Variants in NCKAP5 observed in about 807,000 individuals in gnomAD.
NCKAP5 encodes the protein nck-associated protein 5.
NCKAP5 carries 92 observed loss-of-function variants against 167.0 expected under a neutral mutation model. The ratio of observed to expected loss-of-function variants is 0.55; its 90% confidence interval spans 0.47 to 0.66. The LOEUF (loss-of-function observed/expected upper bound fraction) is 0.66. Among genes scored for constraint, NCKAP5 ranks in the 30% least tolerant of loss-of-function variants. NCKAP5 has a pLI of 0.00. For synonymous variants in NCKAP5, 891 were observed against 877.4 expected (o/e 1.02, Z -0.27); for missense variants, 2,378 against 2,315.0 (o/e 1.03, Z -0.56).
chr2:133,648,974 A>G, the NCKAP5 span, among the ~76,000 whole-genome samples: 1 of 151,950 alleles, frequency 6.6e-6, no homozygotes. Context: ...TTTTGAAAAG[A>G]TCAACAAAAT....
chr2:132,850,816 T>C (rs1236947042), intron 11 of NCKAP5, among the ~76,000 whole-genome samples: 2 of 151,980 alleles, frequency 1.3e-5, no homozygotes, highest in African/African-American at 4.8e-5. Context: ...TTCCTACTTC[T>C]GAGGTAGGAA....
chr2:133,582,494 G>T, the NCKAP5 span, among the ~76,000 whole-genome samples: 1 of 152,134 alleles, frequency 6.6e-6, no homozygotes, highest in African/African-American at 2.4e-5. Flanking sequence ...CTCCTCAAGG[G>T]TGTTACTATC....
At chr2:132,936,997 C>T (rs979037487) in intron 8 of NCKAP5, among the ~76,000 whole-genome samples, 4 of 152,122 alleles carry the variant, frequency 2.6e-5, no homozygotes, top group Non-Finnish European at 5.9e-5. Flanking sequence ...TGAGAATCAT[C>T]AAGGGAAGAG....
intron 6 of NCKAP5, among the ~76,000 whole-genome samples, chr2:133,085,508 G>A (rs1292484174): frequency 1.3e-5 from 2 of 152,132 alleles, no homozygotes; most frequent in African/African-American, 4.8e-5. Flanking sequence ...TCTGGGTAAT[G>A]GGATTGACTG....
chr2:132,700,938 G>T (rs1687822945), intron 19 of NCKAP5, among the ~76,000 whole-genome samples: 2 of 144,252 alleles, frequency 1.4e-5, no homozygotes, highest in Admixed American at 7.0e-5. Flanking sequence ...GGCGGGGGGG[G>T]GGGCTTTTAA....
intron 3 of NCKAP5, among the ~76,000 whole-genome samples, chr2:133,426,312 G>A (rs1405889896): frequency 6.6e-6 from 1 of 151,492 alleles, no homozygotes; most frequent in Non-Finnish European, 1.5e-5. Context: ...TACAACAATG[G>A]AGAACACCTC....
chr2:133,198,069 C>T lies in NCKAP5; in HGVS notation c.207+15647G>A, dbSNP rs1349993104. On this transcript the variant is annotated intron_variant, in intron 5 of 19. Coordinates refer to ENST00000409261, the MANE Select transcript of NCKAP5 (RefSeq NM_207363.3). ...TAGAGAAAGCAAAGTAAAATATTTA[C>T]TGGATTGAGAATACCAGAATGGAGA... Among the ~76,000 whole-genome samples the T allele has an allele frequency of 2.6e-5, 4 of 152,072 alleles. No homozygotes were observed. The East Asian group carries it at 7.7e-4, about 29-fold the overall frequency.
In NCKAP5 at chr2:132,894,418, C is replaced by T. The variant is rs564564523; in HGVS notation, c.580-15502G>A. On this transcript the variant is annotated intron_variant, in intron 8 of 19. Transcript: ENST00000409261. Reference sequence around the variant, plus strand: ...GCCATGGGAGATTTTTAGAAAAAAACCTATTGCCTTGCCATGTAATGACTT... The same window carrying T: ...GCCATGGGAGATTTTTAGAAAAAAATCTATTGCCTTGCCATGTAATGACTT... Among the ~76,000 whole-genome samples the T allele has an allele frequency of 2.5e-4, 38 of 152,300 alleles. No homozygotes were observed. The East Asian group carries it at 6.9e-3, about 28-fold the overall frequency.
rs377125276 is a variant in NCKAP5, at chr2:133,104,064, C to T, written c.341+25914G>A. Among the ~76,000 whole-genome samples, 76 of 152,054 alleles carry T rather than the reference C, an allele frequency of 5.0e-4. No homozygotes were observed. In the South Asian group the frequency reaches 5.4e-3, roughly 11 times the overall value. On this transcript the variant is annotated intron_variant, in intron 6 of 19. Transcript: ENST00000409261. ...TTTCCATATTTCTGGCCCAGAGCTG[C>T]CCCTCCCAAGTGGGGAGAAGGTTCT...
chr2:132,927,104 C>T (rs1183104705), intron 8 of NCKAP5, among the ~76,000 whole-genome samples: 1 of 152,126 alleles, frequency 6.6e-6, no homozygotes, highest in Non-Finnish European at 1.5e-5. Flanking sequence ...ATCCAATTTT[C>T]CCAGCACCAT....
At chr2:132,958,154 T>C (rs942203248) in intron 8 of NCKAP5, among the ~76,000 whole-genome samples, 2 of 152,148 alleles carry the variant, frequency 1.3e-5, no homozygotes, top group African/African-American at 4.8e-5. Context: ...CCCACAGGGT[T>C]ACGAACATGA....
intron 5 of NCKAP5, among the ~76,000 whole-genome samples, chr2:133,179,878 G>A (rs140001674): frequency 4.4e-4 from 67 of 152,128 alleles, no homozygotes; most frequent in African/African-American, 1.5e-3. Context: ...TCAGATTTAC[G>A]TCCTCAGAGT....
chr2:133,624,105 A>T, the NCKAP5 span, among the ~76,000 whole-genome samples: 2 of 152,050 alleles, frequency 1.3e-5, no homozygotes, highest in Middle Eastern at 3.4e-3. Flanking sequence ...CATAAGAATG[A>T]TACATCGGAT....
chr2:133,382,067 AC>A (rs1686563371), intron 3 of NCKAP5, among the ~76,000 whole-genome samples: 2 of 152,086 alleles, frequency 1.3e-5, no homozygotes, highest in Non-Finnish European at 2.9e-5. Context: ...AGAACAACAA[AC>A]CTACTCCTCC....
At chr2:133,590,472 C>T in the NCKAP5 span, among the ~76,000 whole-genome samples, 5 of 145,394 alleles carry the variant, frequency 3.4e-5, no homozygotes, top group South Asian at 2.2e-4. Flanking sequence ...TGCAGTGAGC[C>T]GAGATCGCGC....
Position 133,255,846 on chromosome 2 carries a change from T to C in NCKAP5, c.144-42067A>G, listed in dbSNP as rs77281968. ...TCAGAATGGGTATACAAAGCTTACA[T>C]TACAGAATTAAAAACAAGTGTTTAA... On this transcript the variant is annotated intron_variant, in intron 4 of 19. Coordinates refer to ENST00000409261, the MANE Select transcript of NCKAP5 (RefSeq NM_207363.3). 7.3e-3 allele frequency among the ~76,000 whole-genome samples: 1,114 copies of C among 152,266 alleles called. 8 individuals carry two copies. The highest frequency in any genetic ancestry group is 0.014 in the South Asian group (69 of 4,822).
At chr2:133,543,358 C>T (rs1204695727) in intron 2 of NCKAP5, among the ~76,000 whole-genome samples, 2 of 152,158 alleles carry the variant, frequency 1.3e-5, no homozygotes, top group Non-Finnish European at 2.9e-5. Context: ...CCCAATTAAA[C>T]TTCTTCTCTT....
At chr2:133,465,154 C>T (rs1692475046) in intron 3 of NCKAP5, among the ~76,000 whole-genome samples, 1 of 106,282 alleles carries the variant, frequency 9.4e-6, no homozygotes, top group South Asian at 4.6e-4. Flanking sequence ...GCTATCCCTC[C>T]CCCCTCCCCC....
chr2:133,642,166 T>C, the NCKAP5 span, among the ~76,000 whole-genome samples: 1 of 152,144 alleles, frequency 6.6e-6, no homozygotes, highest in Non-Finnish European at 1.5e-5. Flanking sequence ...TTTAAACAAC[T>C]TTCTCTTGAG....
Sources: gnomAD v4.1 joint callset for allele counts (sites outside exome capture counted in the v4.1 genomes callset) on GRCh38, gnomAD v4.1.1 for gene constraint, MANE v1.5 for transcripts, NCBI Gene and HGNC (gene_info 2026-07-23, HGNC 2026-07-21) for gene names.